ARHGAP28: variants seen among roughly 807,000 people sequenced by gnomAD.
ARHGAP28 encodes the protein Rho GTPase activating protein 28.
A neutral mutation model predicts 90.7 loss-of-function variants in ARHGAP28; 56 were observed. The ratio of observed to expected loss-of-function variants is 0.62; its 90% CI spans 0.50 to 0.77. The LOEUF (loss-of-function observed/expected upper bound fraction) is 0.77, where lower values mean the gene tolerates loss of function less well. Among genes scored for constraint, ARHGAP28 ranks in the 30% least tolerant of loss-of-function variants. The pLI, the probability that ARHGAP28 is intolerant of heterozygous loss-of-function variation, is 0.00. For synonymous variants in ARHGAP28, 308 were observed against 323.3 expected, an observed-to-expected ratio of 0.95 and a Z score of 0.51; for missense variants, 869 against 900.9, an observed-to-expected ratio of 0.96 and a Z score of 0.45.
In ARHGAP28 at chr18:6,770,494, G is replaced by T. The variant is rs183629908; in HGVS notation, c.122+40551G>T. Among the ~76,000 whole-genome samples, 156 of 152,288 alleles carry T rather than the reference G, an allele frequency of 1.0e-3. No homozygotes were observed. In the Middle Eastern group the frequency reaches 0.01, roughly 10 times the overall value. ...TACGTTAGATGAAGAAAAAAGACTT[G>T]ACTCTTGGATGGCAGTTTCCACAAT... On this transcript the variant is annotated intron_variant, in intron 1 of 17. Transcript: ENST00000383472.
At position 6,791,507 on chromosome 18, in the gene ARHGAP28, T is replaced by C. The variant is rs946697958; in HGVS notation, c.123-33255T>C. On this transcript the variant is annotated intron_variant, in intron 1 of 17. Transcript: ENST00000383472. ...GAAAGTATATTTTATATAATAAGTA[T>C]TTAAATATGTAAACATTGGGACATG... The C allele has an allele frequency of 9.2e-5, 14 of 152,302 alleles. 1 individual carries two copies. The highest frequency in any genetic ancestry group is 6.5e-4 in the Admixed American group (10 of 15,302). The allele number at this position is 152,302 out of a possible 1,614,324, so 9.4% of individuals were successfully genotyped here. A position where few individuals can be genotyped will look rare whatever the true frequency, so the allele number is the denominator to read the frequency against.
At chr18:6,877,807 A>C (rs890704613) in intron 10 of ARHGAP28, among the ~76,000 whole-genome samples, 4 of 152,230 alleles carry the variant, frequency 2.6e-5, no homozygotes, top group African/African-American at 7.2e-5. Context: ...ACCATTACTT[A>C]TTTTGGTTAA....
chr18:6,827,418 A>ACC (rs1188830833), intron 2 of ARHGAP28, among the ~76,000 whole-genome samples: 7 of 128,792 alleles, frequency 5.4e-5, no homozygotes, highest in African/African-American at 1.5e-4. Flanking sequence ...AGGGGGGTTG[A>ACC]CCCCCCCACC....
intron 3 of ARHGAP28, among the ~76,000 whole-genome samples, chr18:6,848,474 T>G (rs1461991615): frequency 1.3e-5 from 2 of 152,166 alleles, no homozygotes; most frequent in Non-Finnish European, 2.9e-5. Flanking sequence ...TAAGGAGACA[T>G]GGCCCCTGCA....
At chr18:6,732,692 G>A (rs2055892894) in intron 1 of ARHGAP28, among the ~76,000 whole-genome samples, 1 of 152,026 alleles carries the variant, frequency 6.6e-6, no homozygotes, top group Non-Finnish European at 1.5e-5. Flanking sequence ...TTTTGTTTTC[G>A]TAAAGTGAGT....
At chr18:6,840,566 C>T (rs915571423) in intron 3 of ARHGAP28, among the ~76,000 whole-genome samples, 1 of 152,104 alleles carries the variant, frequency 6.6e-6, no homozygotes, top group Non-Finnish European at 1.5e-5. Context: ...ATGGAATAAA[C>T]TGGTGTCTAA....
At chr18:6,770,068 A>G (rs1442255547) in intron 1 of ARHGAP28, among the ~76,000 whole-genome samples, 1 of 152,196 alleles carries the variant, frequency 6.6e-6, no homozygotes, top group Non-Finnish European at 1.5e-5. Context: ...TCTATAAAAC[A>G]ACAGATGGCA....
chr18:6,780,090 C>T lies in ARHGAP28; in HGVS notation c.123-44672C>T, dbSNP rs142854399. On this transcript the variant is annotated intron_variant, in intron 1 of 17. Transcript: ENST00000383472. Reference sequence around the variant, plus strand: ...GACATGAGCTGGACCTACAAGCCCACCCCAGCTTTCAACTGGAGTTCAGGG... The same window carrying T: ...GACATGAGCTGGACCTACAAGCCCATCCCAGCTTTCAACTGGAGTTCAGGG... Among the ~76,000 whole-genome samples the T allele has an allele frequency of 2.6e-4, 39 of 152,274 alleles. No homozygotes were observed. The East Asian group carries it at 7.6e-3, about 29-fold the overall frequency.
rs1280725545 is a variant in ARHGAP28, at chr18:6,912,092, T to C, written c.2128T>C (p.Leu710=). The C allele has an allele frequency of 1.2e-5, 19 of 1,608,104 alleles. No individual in the cohort carries two copies. Among genetic ancestry groups the C allele is most frequent in the Admixed American group, 1.7e-5 (1 of 59,616 alleles). ...EHCLDPDAYI[L]DVYRINPQAE... is the part of the protein sequence containing the mutation. ...TTGCTTGGATCCAGATGCTTATATA[T>C]TGGATGTATATCGTATAAATCCTCA... is the stretch of plus-strand genomic sequence containing the variant. The change falls in exon 18 of 18, where the codon TTG becomes CTG. Residue 710 remains leucine, a synonymous_variant. Transcript: ENST00000383472.
At position 6,857,882 on chromosome 18, in the gene ARHGAP28, A is replaced by G. The variant is rs150408212; in HGVS notation, c.637-1926A>G. ...GTTTCCTTTGCAGTTGAGTAGATCT[A>G]TTTTCCAGAAAGGCCAAAATTGTTG... On this transcript the variant is annotated intron_variant, in intron 4 of 17. Transcript: ENST00000383472. 1.6e-4 allele frequency among the ~76,000 whole-genome samples: 25 copies of G among 152,232 alleles called. No homozygotes were observed. In the East Asian group the frequency reaches 4.1e-3, roughly 25 times the overall value.
intron 7 of ARHGAP28, 131 bp downstream of exon 7, chr18:6,870,863 C>A (rs28594405): frequency 2.2e-6 from 2 of 927,872 alleles, no homozygotes; most frequent in South Asian, 1.8e-5. Context: ...TGCAGTGGCG[C>A]GATCTCGGCT....
chr18:6,824,964 G>A lies in ARHGAP28; in HGVS notation c.325G>A (p.Glu109Lys), dbSNP rs1385150904. 6.5e-7 allele frequency: 1 copy of A among 1,527,846 alleles called. No homozygotes were observed. The highest frequency in any genetic ancestry group is 2.0e-5 in the Admixed American group (1 of 49,818). The allele number at this position is 1,527,846 out of a possible 1,614,324, so 94.6% of individuals were successfully genotyped here. A position where few individuals can be genotyped will look rare whatever the true frequency, so the allele number is the denominator to read the frequency against. The change falls in exon 2 of 18, where the codon GAA becomes AAA. Residue 109 changes from glutamate (E) to lysine (K), a missense_variant and splice_region_variant. Physicochemically the swap from Glu to Lys is moderately conservative, Grantham distance 56. Coordinates refer to ENST00000383472, the MANE Select transcript of ARHGAP28 (RefSeq NM_001366230.1). ...PPPAEVTPVD[E>K]GELEAEWLQD... ...GCCAGCTGAGGTCACACCTGTGGAT[G>A]GTAAGTTGCTGGATTTGTCTTCCTA...
chr18:6,846,120 C>T (rs2056864399), intron 3 of ARHGAP28, among the ~76,000 whole-genome samples: 2 of 152,174 alleles, frequency 1.3e-5, no homozygotes. Flanking sequence ...ACACCTGCCT[C>T]CACCTGGATT....
At chr18:6,742,979 T>C (rs568477596) in intron 1 of ARHGAP28, among the ~76,000 whole-genome samples, 6 of 152,190 alleles carry the variant, frequency 3.9e-5, no homozygotes, top group African/African-American at 1.4e-4. Context: ...TCAGTGATGG[T>C]CTTTGCTATT....
rs111975168 is a variant in ARHGAP28, at chr18:6,851,250, C to T, written c.636+124C>T. The T allele has an allele frequency of 2.2e-5, 18 of 803,470 alleles. 1 individual carries two copies. The highest frequency in any genetic ancestry group is 7.6e-5 in the Admixed American group (3 of 39,634). 49.8% of individuals were successfully genotyped at this position (803,470 alleles called of 1,614,324 possible). On this transcript the variant is annotated intron_variant, in intron 4 of 17. Transcript: ENST00000383472. ...GGCTGGACAACCACAGATTTCAACA[C>T]ACTTATCTACCTTAGGTGATTTTTA...
chr18:6,913,747 C>A lies in ARHGAP28; in HGVS notation c.*1593C>A, dbSNP rs765652475. 1 of 140,484 alleles carries A rather than the reference C, an allele frequency of 7.1e-6. No homozygotes were observed. The highest frequency in any genetic ancestry group is 2.7e-5 in the African/African-American group (1 of 37,444). 8.7% of individuals were successfully genotyped at this position (140,484 alleles called of 1,614,324 possible). A position where few individuals can be genotyped will look rare whatever the true frequency, so the allele number is the denominator to read the frequency against. On this transcript the variant is annotated 3_prime_UTR_variant, in exon 18 of 18. Coordinates refer to ENST00000383472, the MANE Select transcript of ARHGAP28 (RefSeq NM_001366230.1). ...GTTCATCTGAGAATTTTTTTTTTTG[C>A]CTGAAAACCCATTAAAAGAAAACGT...
At chr18:6,850,326 TTGATAC>T (rs1259308157) in intron 3 of ARHGAP28, among the ~76,000 whole-genome samples, 2 of 152,236 alleles carry the variant, frequency 1.3e-5, no homozygotes, top group African/African-American at 4.8e-5. Flanking sequence ...TGGTTTTCTC[TTGATAC>T]TGGTTTACAA....
intron 3 of ARHGAP28, among the ~76,000 whole-genome samples, chr18:6,844,167 T>C (rs2056848324): frequency 6.6e-6 from 1 of 152,184 alleles, no homozygotes; most frequent in Non-Finnish European, 1.5e-5. Context: ...TATAAATATA[T>C]AGTATGCTGT....
At chr18:6,843,124 A>G (rs551755140) in intron 3 of ARHGAP28, among the ~76,000 whole-genome samples, 25 of 152,246 alleles carry the variant, frequency 1.6e-4, no homozygotes, top group African/African-American at 5.5e-4. Context: ...AATAGTGTCT[A>G]TTAATGTGCC....
Sources: allele counts gnomAD v4.1 joint callset (sites outside exome capture counted in the v4.1 genomes callset), GRCh38; gene constraint gnomAD v4.1.1; transcripts MANE v1.5; gene names NCBI Gene and HGNC (gene_info 2026-07-23, HGNC 2026-07-21).